The following ATP8A1 variants were observed in gnomAD, a reference collection of about 807,000 sequenced individuals.
The protein encoded by ATP8A1 is phospholipid-transporting ATPase IA.
A neutral mutation model predicts 177.7 loss-of-function variants in ATP8A1; 90 were observed. The ratio of observed to expected loss-of-function variants is 0.51; its 90% CI spans 0.43 to 0.60. The LOEUF (loss-of-function observed/expected upper bound fraction) is 0.60, where lower values mean the gene tolerates loss of function less well. Ranked by LOEUF, ATP8A1 falls within the 20% of genes least tolerant of loss-of-function variation. The pLI, the probability that ATP8A1 is intolerant of heterozygous loss-of-function variation, is 0.00. For missense variants in ATP8A1, 1,072 were observed against 1,392.8 expected (o/e 0.77, Z 3.67); for synonymous variants, 493 against 485.9 (o/e 1.01, Z -0.19).
intron 1 of ATP8A1, among the ~76,000 whole-genome samples, chr4:42,645,822 C>A (rs1292761182): frequency 6.6e-6 from 1 of 152,062 alleles, no homozygotes; most frequent in African/African-American, 2.4e-5. Context: ...ACCATTCTGG[C>A]ATAGATGGTA....
rs199869939 is a variant in ATP8A1 at position 42,601,883 on chromosome 4, TATTA to T, written c.410-1369_410-1366del. On this transcript the variant is annotated intron_variant, in intron 5 of 36. Transcript: ENST00000381668. ...CCAAAATGTTAAACAGCAAATTTAATATTAATTAAAAACAAAAATGTTTTGAACT... is the reference window on the plus strand; with the variant it reads ...CCAAAATGTTAAACAGCAAATTTAATATTAAAAACAAAAATGTTTTGAACT... Among the ~76,000 whole-genome samples, 919 of 150,464 alleles carry T rather than the reference TATTA, an allele frequency of 6.1e-3. 14 individuals are homozygous for T. The highest frequency in any genetic ancestry group is 0.021 in the African/African-American group (852 of 41,006).
intron 6 of ATP8A1, among the ~76,000 whole-genome samples, chr4:42,600,093 T>G (rs1735090768): frequency 6.6e-6 from 1 of 152,166 alleles, no homozygotes; most frequent in South Asian, 2.1e-4. Flanking sequence ...ATGTAATTAG[T>G]CTCACTATAT....
chr4:42,646,589 A>C (rs1375150569), intron 1 of ATP8A1, among the ~76,000 whole-genome samples: 1 of 152,168 alleles, frequency 6.6e-6, no homozygotes, highest in Non-Finnish European at 1.5e-5. Context: ...TCAACCCTGC[A>C]TACCATTGTT....
chr4:42,619,793 G>C (rs952492135), intron 4 of ATP8A1, among the ~76,000 whole-genome samples: 1 of 152,122 alleles, frequency 6.6e-6, no homozygotes, highest in African/African-American at 2.4e-5. Flanking sequence ...TGGACCCTGA[G>C]ATAACACCTT....
intron 33 of ATP8A1, among the ~76,000 whole-genome samples, chr4:42,435,571 T>A (rs1715893655): frequency 6.6e-6 from 1 of 152,054 alleles, no homozygotes; most frequent in African/African-American, 2.4e-5. Flanking sequence ...CTGTGGTGGT[T>A]CCCACACTAG....
chr4:42,621,911 C>A (rs535244877), intron 4 of ATP8A1, among the ~76,000 whole-genome samples: 25 of 152,200 alleles, frequency 1.6e-4, no homozygotes, highest in Admixed American at 5.9e-4. Context: ...GAATAGAGAA[C>A]CCAGAAATAA....
chr4:42,627,419 A>T (rs2109494335), intron 1 of ATP8A1, among the ~76,000 whole-genome samples: 1 of 152,372 alleles, frequency 6.6e-6, no homozygotes, highest in Admixed American at 6.5e-5. Context: ...GTAAACCTTA[A>T]TTTTAAACTG....
At chr4:42,494,955 AAC>A (rs1416813820) in intron 24 of ATP8A1, among the ~76,000 whole-genome samples, 1 of 152,246 alleles carries the variant, frequency 6.6e-6, no homozygotes, top group Non-Finnish European at 1.5e-5. Context: ...GGGAGTAAAA[AAC>A]AAAAACACCA....
chr4:42,466,943 T>C (rs990960748), intron 25 of ATP8A1, among the ~76,000 whole-genome samples: 4 of 152,244 alleles, frequency 2.6e-5, no homozygotes, highest in African/African-American at 9.6e-5. Context: ...TGGGCATGAA[T>C]AGAGAGAAGC....
chr4:42,625,478 G>A (rs938677165), intron 3 of ATP8A1, 136 bp downstream of exon 3: 8 of 521,484 alleles, frequency 1.5e-5, no homozygotes, highest in Non-Finnish European at 2.7e-5. Context: ...TTCCAACACT[G>A]CTTGCAGCAG....
intron 27 of ATP8A1, among the ~76,000 whole-genome samples, chr4:42,456,109 TAG>T (rs1412359887): frequency 7.2e-5 from 11 of 152,362 alleles, no homozygotes; most frequent in African/African-American, 1.9e-4. Context: ...AACCTGCATA[TAG>T]AGAGTGTCAT....
chr4:42,421,591 C>T (rs1362777923), intron 35 of ATP8A1, among the ~76,000 whole-genome samples: 2 of 152,158 alleles, frequency 1.3e-5, no homozygotes, highest in South Asian at 2.1e-4. Flanking sequence ...AAGGTCAGTG[C>T]TATTATTTTC....
intron 18 of ATP8A1, among the ~76,000 whole-genome samples, chr4:42,549,778 G>C (rs1405198616): frequency 6.6e-6 from 1 of 151,878 alleles, no homozygotes; most frequent in Non-Finnish European, 1.5e-5. Flanking sequence ...CAGCCTGGGT[G>C]ACAGAGCAAG....
chr4:42,657,092 C>T lies in ATP8A1; in HGVS notation c.-219G>A, dbSNP rs865849700. The stretch of plus-strand genomic sequence containing the variant: ...GGCGAAGGTGGCGGCGCCCGCAGAG[C>T]TGGGCGAGCTCTTGCTGCAGCCGCG... On this transcript the variant is annotated 5_prime_UTR_variant, in exon 1 of 37. Transcript: ENST00000381668. 1 of 407,844 alleles carries T rather than the reference C, an allele frequency of 2.5e-6. No individual in the cohort carries two copies. Among genetic ancestry groups the T allele is most frequent in the Admixed American group, 4.5e-5 (1 of 22,114 alleles). The allele number at this position is 407,844 out of a possible 1,614,324, so 25.3% of individuals were successfully genotyped here.
At chr4:42,566,122 G>A (rs1411205294) in intron 15 of ATP8A1, among the ~76,000 whole-genome samples, 5 of 152,160 alleles carry the variant, frequency 3.3e-5, no homozygotes, top group Non-Finnish European at 2.9e-5. Context: ...AATGTTAACA[G>A]AATATGTGGA....
chr4:42,415,671 A>G (rs1310899718), intron 35 of ATP8A1, among the ~76,000 whole-genome samples: 1 of 152,192 alleles, frequency 6.6e-6, no homozygotes, highest in Non-Finnish European at 1.5e-5. Context: ...TGTTTATGCA[A>G]TTTTAATAAC....
chr4:42,577,363 C>A (rs75155538), intron 12 of ATP8A1, among the ~76,000 whole-genome samples: 220 of 152,248 alleles, frequency 1.4e-3, no homozygotes, highest in East Asian at 0.011. Context: ...CTAAATCACA[C>A]TGATTTCTTA....
intron 24 of ATP8A1, among the ~76,000 whole-genome samples, chr4:42,497,369 A>G (rs1410974229): frequency 6.6e-6 from 1 of 152,220 alleles, no homozygotes; most frequent in African/African-American, 2.4e-5. Context: ...TATTGGTGGC[A>G]GAGATGCAAA....
intron 25 of ATP8A1, chr4:42,472,343 A>T: frequency 2.3e-6 from 1 of 427,180 alleles, no homozygotes; most frequent in South Asian, 1.9e-5. Context: ...CTCACAGGCG[A>T]GGATGTTAAT....
Sources: gnomAD v4.1 joint callset for allele counts (sites outside exome capture counted in the v4.1 genomes callset) on GRCh38, gnomAD v4.1.1 for gene constraint, MANE v1.5 for transcripts, NCBI Gene and HGNC (gene_info 2026-07-23, HGNC 2026-07-21) for gene names.